Variants in CHSY1 observed in about 807,000 individuals in gnomAD.
CHSY1 encodes N-acetylgalactosaminyl-proteoglycan 3-beta-glucuronosyltransferase 1.
CHSY1 carries 13 observed loss-of-function variants against 59.8 expected under a neutral mutation model. That is an observed-to-expected ratio of 0.22 (90% CI 0.14 to 0.35). The LOEUF (loss-of-function observed/expected upper bound fraction) is 0.35. CHSY1 is among the 10% of genes least tolerant of loss of function. The pLI is 1.00. For synonymous variants in CHSY1, 459 were observed against 401.2 expected (o/e 1.14, Z -1.72); for missense variants, 947 against 1,030.6 (o/e 0.92, Z 1.11).
At chr15:101,224,350 C>T (rs1414924344) in intron 2 of CHSY1, among the ~76,000 whole-genome samples, 1 of 152,154 alleles carries the variant, frequency 6.6e-6, no homozygotes, top group Non-Finnish European at 1.5e-5. Flanking sequence ...CATTTGTGTG[C>T]CAAGTCTGGC....
chr15:101,243,519 C>G (rs967831831), intron 1 of CHSY1, among the ~76,000 whole-genome samples: 4 of 152,148 alleles, frequency 2.6e-5, no homozygotes, highest in African/African-American at 9.7e-5. Context: ...CAGTCACCAG[C>G]CACCCTGGCC....
At chr15:101,183,033 G>A (rs1415613091) in intron 2 of CHSY1, among the ~76,000 whole-genome samples, 1 of 152,090 alleles carries the variant, frequency 6.6e-6, no homozygotes, top group Non-Finnish European at 1.5e-5. Flanking sequence ...AAAACAGAAT[G>A]TGATAAACAC....
At chr15:101,239,255 G>C (rs1233735953) in intron 1 of CHSY1, among the ~76,000 whole-genome samples, 1 of 152,226 alleles carries the variant, frequency 6.6e-6, no homozygotes, top group South Asian at 2.1e-4. Flanking sequence ...ACACGTGTTT[G>C]CAAAAGGTCA....
intron 2 of CHSY1, among the ~76,000 whole-genome samples, chr15:101,223,132 T>C (rs914827360): frequency 2.0e-5 from 3 of 152,226 alleles, no homozygotes; most frequent in Non-Finnish European, 2.9e-5. Context: ...CAGCTGGGAT[T>C]ACAGGCACCC....
intron 2 of CHSY1, among the ~76,000 whole-genome samples, chr15:101,184,718 A>G (rs2038330801): frequency 6.6e-6 from 1 of 152,170 alleles, no homozygotes; most frequent in African/African-American, 2.4e-5. Flanking sequence ...GTGCACATGC[A>G]CATGCTTGGG....
chr15:101,177,578 A>G lies in CHSY1; in HGVS notation c.2219T>C (p.Val740Ala), dbSNP rs750900053. ...AGGATGGTGGACGTGGACTACTCCT[A>G]CTTCCTGGCTCCTAAACGTCTTCAA... The part of the protein sequence containing the change: ...AGLKTFRSQE[V>A]GVVHVHHPVF... The change falls in exon 3 of 3, where the codon GTA becomes GCA. Residue 740 changes from valine (V) to alanine (A), a missense_variant. By Grantham distance (64) the Val-to-Ala change is moderately conservative (BLOSUM62 0). Around this residue, in one of 4 missense-constraint regions of CHSY1, gnomAD observed 602 missense variants for 676.9 expected, o/e 0.89. Coordinates refer to ENST00000254190, the MANE Select transcript of CHSY1 (RefSeq NM_014918.5). 6.2e-6 allele frequency: 10 copies of G among 1,614,004 alleles called. No individual in the cohort carries two copies. The Admixed American group carries it at 1.7e-4, about 27-fold the overall frequency.
intron 2 of CHSY1, among the ~76,000 whole-genome samples, chr15:101,230,128 G>T (rs2038878820): frequency 6.6e-6 from 1 of 151,904 alleles, no homozygotes; most frequent in African/African-American, 2.4e-5. Flanking sequence ...TTTTAGTAGA[G>T]ACGAGGTTTC....
At chr15:101,199,961 A>T (rs1330310684) in intron 2 of CHSY1, among the ~76,000 whole-genome samples, 1 of 152,208 alleles carries the variant, frequency 6.6e-6, no homozygotes, top group African/African-American at 2.4e-5. Context: ...TGAGTCACAA[A>T]AGCCCTCTGA....
intron 2 of CHSY1, among the ~76,000 whole-genome samples, chr15:101,217,799 G>C (rs532411127): frequency 6.6e-6 from 1 of 152,164 alleles, no homozygotes; most frequent in East Asian, 1.9e-4. Flanking sequence ...AAATCACATA[G>C]ATATTCCAAC....
intron 1 of CHSY1, among the ~76,000 whole-genome samples, chr15:101,241,093 T>C (rs974824781): frequency 2.0e-5 from 3 of 152,206 alleles, no homozygotes; most frequent in African/African-American, 4.8e-5. Context: ...AAGGATTTAA[T>C]AGTCTTTTTT....
At chr15:101,242,529 A>G (rs1238601644) in intron 1 of CHSY1, 2 of 152,422 alleles carry the variant, frequency 1.3e-5, no homozygotes, top group East Asian at 1.9e-4. Flanking sequence ...CCCAAGGTCA[A>G]TGATGGAGGT....
intron 2 of CHSY1, among the ~76,000 whole-genome samples, chr15:101,197,689 T>A (rs150911529): frequency 0.015 from 2,230 of 152,334 alleles, 53 homozygotes; most frequent in African/African-American, 0.047. Context: ...GTTAAATTAC[T>A]ATACAGCAAA....
At position 101,176,518 on chromosome 15, in the gene CHSY1, G is replaced by A; in HGVS notation, c.*870C>T. ...TGAAATTTAATGCCAGGTCTATTTA[G>A]GCCGAATGAACTACCACGAGAACAG... On this transcript the variant is annotated 3_prime_UTR_variant, in exon 3 of 3. Coordinates refer to ENST00000254190, the MANE Select transcript of CHSY1 (RefSeq NM_014918.5). 2 of 397,642 alleles carry A rather than the reference G, an allele frequency of 5.0e-6. No homozygotes were observed. Among genetic ancestry groups the A allele is most frequent in the Admixed American group, 4.4e-5 (1 of 22,730 alleles). 24.6% of individuals were successfully genotyped at this position (397,642 alleles called of 1,614,324 possible).
chr15:101,193,242 G>A (rs536844758), intron 2 of CHSY1, among the ~76,000 whole-genome samples: 6 of 152,324 alleles, frequency 3.9e-5, no homozygotes, highest in South Asian at 4.1e-4. Context: ...TGTGTCAGAC[G>A]GGGATGAGAG....
Position 101,251,650 on chromosome 15 carries a change from CACGCCCGCCCCCGCCG to C in CHSY1, c.-210_-195del, listed in dbSNP as rs1179420573. 3 of 146,650 alleles carry C rather than the reference CACGCCCGCCCCCGCCG, an allele frequency of 2.0e-5. No homozygotes were observed. Among genetic ancestry groups the C allele is most frequent in the African/African-American group, 7.4e-5 (3 of 40,808 alleles). The allele number at this position is 146,650 out of a possible 1,614,324, so 9.1% of individuals were successfully genotyped here. A position where few individuals can be genotyped will look rare whatever the true frequency, so the allele number is the denominator to read the frequency against. On this transcript the variant is annotated 5_prime_UTR_variant, in exon 1 of 3. It removes the in-frame stop codon of an upstream open reading frame in the 5' UTR. Coordinates refer to ENST00000254190, the MANE Select transcript of CHSY1 (RefSeq NM_014918.5). ...GGCCCCGCGCCGGCGCTTTGTTCCG[CACGCCCGCCCCCGCCG>C]CCGCGGCCTGCGCCTTTAAGAGGGG...
At chr15:101,224,364 C>G (rs1482840718) in intron 2 of CHSY1, among the ~76,000 whole-genome samples, 4 of 152,122 alleles carry the variant, frequency 2.6e-5, no homozygotes, top group Non-Finnish European at 1.5e-5. Context: ...GTCTGGCCTC[C>G]CACTAACCTG....
At chr15:101,233,052 G>A (rs2038906569) in intron 2 of CHSY1, among the ~76,000 whole-genome samples, 1 of 152,236 alleles carries the variant, frequency 6.6e-6, no homozygotes, top group Non-Finnish European at 1.5e-5. Flanking sequence ...GGTCCCTTCA[G>A]CTGATGAGGC....
intron 2 of CHSY1, among the ~76,000 whole-genome samples, chr15:101,233,932 T>C (rs375395662): frequency 6.6e-6 from 1 of 152,186 alleles, no homozygotes; most frequent in East Asian, 1.9e-4. Flanking sequence ...TATTAGAAAG[T>C]GTATTCTTTT....
intron 2 of CHSY1, among the ~76,000 whole-genome samples, chr15:101,188,958 G>C (rs762472484): frequency 1.1e-4 from 17 of 152,066 alleles, no homozygotes; most frequent in Non-Finnish European, 1.9e-4. Context: ...AAAAAAAAAT[G>C]AAGTGGCAGA....
Sources: allele counts gnomAD v4.1 joint callset (sites outside exome capture counted in the v4.1 genomes callset), GRCh38; gene constraint gnomAD v4.1.1; regional missense constraint gnomAD v4.1.1; transcripts MANE v1.5; gene names NCBI Gene and HGNC (gene_info 2026-07-23, HGNC 2026-07-21).